IL6ST: variants seen among roughly 807,000 people sequenced by gnomAD.
The protein encoded by IL6ST is interleukin-6 receptor subunit beta.
In IL6ST, 24 loss-of-function variants were observed where a neutral mutation model predicts 91.3. The observed-to-expected ratio is 0.26, with a 90% confidence interval of 0.19 to 0.37. IL6ST has a LOEUF of 0.37. Among genes scored for constraint, IL6ST ranks in the 10% least tolerant of loss-of-function variants. IL6ST has a pLI of 1.00. For missense variants in IL6ST, 914 were observed against 1,078.5 expected (o/e 0.85, Z 2.14); for synonymous variants, 351 against 373.6 (o/e 0.94, Z 0.70).
Position 55,937,167 on chromosome 5 carries a change from TA to T in IL6ST, c.*3914del, listed in dbSNP as rs143157646. ...TCAGACAAAGCCTGTGTTCAAGAAA[TA>T]AAAAAAACATCTATCACTATCGGCC... On this transcript the variant is annotated 3_prime_UTR_variant, in exon 17 of 17. Coordinates refer to ENST00000381298, the MANE Select transcript of IL6ST (RefSeq NM_002184.4). The T allele has an allele frequency of 1.9e-5, 4 of 211,744 alleles. No individual in the cohort carries two copies. Among genetic ancestry groups the T allele is most frequent in the African/African-American group, 4.6e-5 (2 of 43,956 alleles). The allele number at this position is 211,744 out of a possible 1,614,324, so 13.1% of individuals were successfully genotyped here.
chr5:55,988,775 A>T (rs1754140417), intron 1 of IL6ST, among the ~76,000 whole-genome samples: 1 of 150,794 alleles, frequency 6.6e-6, no homozygotes, highest in Admixed American at 6.6e-5. Flanking sequence ...TCCAAAAAAA[A>T]AAAAAAAAGC....
intron 1 of IL6ST, among the ~76,000 whole-genome samples, chr5:55,984,604 C>T (rs957748181): frequency 6.6e-6 from 1 of 152,130 alleles, no homozygotes; most frequent in African/African-American, 2.4e-5. Flanking sequence ...TTCTAGCCTC[C>T]AAAACCTTGA....
At position 55,956,169 on chromosome 5, in the gene IL6ST, A is replaced by G; in HGVS notation, c.1123T>C (p.Ser375Pro). ...DYEVTLTRWK[S>P]HLQNYTVNAT... ...TTAACTGTGTAATTTTGTAAATGTG[A>G]TTTCCATCTTGTGAGAGTCACTTCA... The change falls in exon 10 of 17, where the codon TCA (serine) becomes CCA (proline). Residue 375 changes from serine (S) to proline (P), a missense_variant. Physicochemically the swap from Ser to Pro is moderately conservative, Grantham distance 74 (BLOSUM62 -1). Coordinates refer to ENST00000381298, the MANE Select transcript of IL6ST (RefSeq NM_002184.4). 1 of 1,612,948 alleles carries G rather than the reference A, an allele frequency of 6.2e-7. No homozygotes were observed. Among genetic ancestry groups the G allele is most frequent in the Non-Finnish European group, 8.5e-7 (1 of 1,178,926 alleles).
chr5:55,972,651 G>GT (rs1197143517), intron 3 of IL6ST, among the ~76,000 whole-genome samples: 1 of 152,118 alleles, frequency 6.6e-6, no homozygotes, highest in Non-Finnish European at 1.5e-5. Flanking sequence ...ATTAAGAAAG[G>GT]TATCTGATAA....
chr5:55,941,906 T>C, intron 16 of IL6ST, 87 bp from the exon 17 acceptor site: 1 of 1,140,508 alleles, frequency 8.8e-7, no homozygotes. Flanking sequence ...TAACTCTCAG[T>C]GGTACAGAAA....
At chr5:55,949,711 T>C (rs546833578) in intron 14 of IL6ST, among the ~76,000 whole-genome samples, 2 of 152,326 alleles carry the variant, frequency 1.3e-5, no homozygotes, top group East Asian at 3.9e-4. Context: ...ACTATATTCA[T>C]TACTGACCCT....
chr5:55,989,953 C>T (rs1561209221), intron 1 of IL6ST, among the ~76,000 whole-genome samples: 1 of 151,600 alleles, frequency 6.6e-6, no homozygotes, highest in Non-Finnish European at 1.5e-5. Context: ...TCACTTTGCA[C>T]TAGGGGGTGG....
intron 8 of IL6ST, among the ~76,000 whole-genome samples, chr5:55,958,354 T>C (rs186166291): frequency 2.0e-5 from 3 of 152,346 alleles, no homozygotes; most frequent in Admixed American, 6.5e-5. Context: ...CCATTAAATG[T>C]AGCATATAAT....
At chr5:55,971,352 G>A (rs990892648) in intron 3 of IL6ST, among the ~76,000 whole-genome samples, 4 of 152,084 alleles carry the variant, frequency 2.6e-5, no homozygotes, top group Admixed American at 2.6e-4. Context: ...GACTGCTGAA[G>A]CACAGGATAC....
chr5:55,983,349 T>A (rs1421063868), intron 1 of IL6ST, among the ~76,000 whole-genome samples: 1 of 152,198 alleles, frequency 6.6e-6, no homozygotes, highest in Non-Finnish European at 1.5e-5. Context: ...AATGCAAACT[T>A]CCCTGACGTC....
At chr5:55,974,061 T>A (rs1753124073) in intron 3 of IL6ST, among the ~76,000 whole-genome samples, 1 of 152,192 alleles carries the variant, frequency 6.6e-6, no homozygotes, top group African/African-American at 2.4e-5. Context: ...CTGAGAATTT[T>A]CACTGATCAC....
chr5:55,992,755 G>C (rs1187618182), intron 1 of IL6ST, among the ~76,000 whole-genome samples: 1 of 151,980 alleles, frequency 6.6e-6, no homozygotes, highest in Non-Finnish European at 1.5e-5. Context: ...CCAACTTCTG[G>C]TAAATCCTTT....
intron 13 of IL6ST, 86 bp from the exon 14 acceptor site, chr5:55,951,690 AAAG>A (rs1203044140): frequency 3.0e-5 from 39 of 1,312,546 alleles, no homozygotes; most frequent in Admixed American, 4.7e-5. Flanking sequence ...AAGTGTTAAA[AAAG>A]AAGCGAAGTA....
intron 14 of IL6ST, among the ~76,000 whole-genome samples, chr5:55,949,668 A>T (rs1404401082): frequency 6.6e-6 from 1 of 152,198 alleles, no homozygotes; most frequent in South Asian, 2.1e-4. Context: ...ACCTATTAAC[A>T]TACCACCACA....
intron 15 of IL6ST, among the ~76,000 whole-genome samples, chr5:55,944,136 T>C (rs961536836): frequency 6.6e-6 from 1 of 152,150 alleles, no homozygotes; most frequent in African/African-American, 2.4e-5. Context: ...TCACATGTGA[T>C]GGTGAAAGAC....
At chr5:55,987,341 T>C (rs1384305439) in intron 1 of IL6ST, among the ~76,000 whole-genome samples, 1 of 152,240 alleles carries the variant, frequency 6.6e-6, no homozygotes, top group Non-Finnish European at 1.5e-5. Flanking sequence ...TGCTAACAAG[T>C]ATTTAGCCTA....
Position 55,960,394 on chromosome 5 carries a change from G to C in IL6ST, c.973+8C>G. 6.2e-7 allele frequency: 1 copy of C among 1,609,094 alleles called. No homozygotes were observed. Among genetic ancestry groups the C allele is most frequent in the South Asian group, 1.1e-5 (1 of 90,510 alleles). Reference sequence around the variant, plus strand: ...TAGCTTTACTTCTTCATATACTTATGTACTTACTATCTTCATAGGTGATCC... The same window carrying C: ...TAGCTTTACTTCTTCATATACTTATCTACTTACTATCTTCATAGGTGATCC... On this transcript the variant is annotated splice_region_variant and intron_variant, in intron 8 of 16. Coordinates refer to ENST00000381298, the MANE Select transcript of IL6ST (RefSeq NM_002184.4).
intron 8 of IL6ST, among the ~76,000 whole-genome samples, chr5:55,959,856 G>C (rs1002409733): frequency 6.6e-6 from 1 of 151,938 alleles, no homozygotes; most frequent in Admixed American, 6.6e-5. Flanking sequence ...ACGGTTTTCT[G>C]ATAGATGTAT....
Position 55,941,652 on chromosome 5 carries a change from C to G in IL6ST, c.2187G>C (p.Gly729=). The change falls in exon 17 of 17, where the codon GGG becomes GGC. Residue 729 remains glycine (G), a synonymous_variant. Coordinates refer to ENST00000381298, the MANE Select transcript of IL6ST (RefSeq NM_002184.4). ...INTEGHSSGI[G]GSSCMSSSRP... Reference sequence around the variant, plus strand: ...TAGAAGATGACATGCATGAAGACCCCCCAATACCACTGCTGTGTCCTTCAG... The same window carrying G: ...TAGAAGATGACATGCATGAAGACCCGCCAATACCACTGCTGTGTCCTTCAG... 1 of 1,614,092 alleles carries G rather than the reference C, an allele frequency of 6.2e-7. No homozygotes were observed. The highest frequency in any genetic ancestry group is 8.5e-7 in the Non-Finnish European group (1 of 1,179,976).
Sources: gnomAD v4.1 joint callset for allele counts (sites outside exome capture counted in the v4.1 genomes callset) on GRCh38, gnomAD v4.1.1 for gene constraint, MANE v1.5 for transcripts, NCBI Gene and HGNC (gene_info 2026-07-23, HGNC 2026-07-21) for gene names.